IKBKB: variants seen among roughly 807,000 people sequenced by gnomAD.
The protein encoded by IKBKB is inhibitor of nuclear factor kappa B kinase subunit beta.
IKBKB carries 42 observed loss-of-function variants against 113.6 expected under a neutral mutation model. The observed-to-expected ratio is 0.37, with a 90% CI of 0.29 to 0.48. IKBKB has a LOEUF of 0.48. Ranked by LOEUF, IKBKB falls within the 20% of genes least tolerant of loss-of-function variation. The probability of loss-of-function intolerance (pLI) is 0.99; values close to 1 mark genes in which losing one functional copy is unlikely to be tolerated. For missense variants in IKBKB, 673 were observed against 939.7 expected, an observed-to-expected ratio of 0.72 and a Z score of 3.71; for synonymous variants, 296 against 361.3, an observed-to-expected ratio of 0.82 and a Z score of 2.05.
rs146998687 is a variant in IKBKB at position 42,322,969 on chromosome 8, G to A, written c.1986+475G>A. Among the ~76,000 whole-genome samples, 171 of 152,266 alleles carry A rather than the reference G, an allele frequency of 1.1e-3. 1 individual carries two copies. The South Asian group carries it at 0.018, about 16-fold the overall frequency. Reference sequence around the variant, plus strand: ...CTAGAGCCCAGGAGTTGAAAGTCCCGTGTCAGCAGGGCTGAGCTCCCTCTG... The same window carrying A: ...CTAGAGCCCAGGAGTTGAAAGTCCCATGTCAGCAGGGCTGAGCTCCCTCTG... On this transcript the variant is annotated intron_variant, in intron 19 of 21. Transcript: ENST00000520810.
At position 42,332,452 on chromosome 8, in the gene IKBKB, C is replaced by G. The variant is rs200657216; in HGVS notation, c.*1473C>G. ...TTTAATAAAGCACAATTTTGGAAAC[C>G]CTGGTAAATGACAGTGGGAAATAAC... On this transcript the variant is annotated 3_prime_UTR_variant, in exon 22 of 22. Transcript: ENST00000520810. 5.3e-5 allele frequency: 8 copies of G among 152,084 alleles called. No homozygotes were observed. Among genetic ancestry groups the G allele is most frequent in the Non-Finnish European group, 7.4e-5 (5 of 67,986 alleles). The allele number at this position is 152,084 out of a possible 1,614,324, so 9.4% of individuals were successfully genotyped here. A position where few individuals can be genotyped will look rare whatever the true frequency, so the allele number is the denominator to read the frequency against.
intron 4 of IKBKB, among the ~76,000 whole-genome samples, chr8:42,291,806 C>G (rs1462457831): frequency 6.6e-6 from 1 of 152,106 alleles, no homozygotes; most frequent in Non-Finnish European, 1.5e-5. Context: ...GTGGTGTGCG[C>G]TTGTGGTCCC....
At chr8:42,326,201 A>G in intron 20 of IKBKB, 104 bp downstream of exon 20, 1 of 1,362,154 alleles carries the variant, frequency 7.3e-7, no homozygotes. Flanking sequence ...TGGTATTACC[A>G]CCTCTCTGGA....
intron 2 of IKBKB, among the ~76,000 whole-genome samples, chr8:42,285,400 A>T (rs1362385958): frequency 6.6e-6 from 1 of 152,010 alleles, no homozygotes; most frequent in Non-Finnish European, 1.5e-5. Flanking sequence ...AAATAAAAAT[A>T]AAAAAAATTA....
intron 5 of IKBKB, among the ~76,000 whole-genome samples, chr8:42,294,281 C>G (rs58758415): frequency 4.6e-5 from 7 of 152,192 alleles, no homozygotes; most frequent in Non-Finnish European, 1.0e-4. Context: ...CCATTTTCAT[C>G]CCTCCACTAC....
chr8:42,294,060 C>T (rs183070653), intron 5 of IKBKB, among the ~76,000 whole-genome samples: 4 of 152,204 alleles, frequency 2.6e-5, no homozygotes, highest in Admixed American at 1.3e-4. Flanking sequence ...TAGACCCTGG[C>T]GCTCACTCAG....
intron 16 of IKBKB, chr8:42,321,525 G>A (rs908387727): frequency 5.6e-6 from 1 of 178,054 alleles, no homozygotes; most frequent in Admixed American, 5.7e-5. Flanking sequence ...ATTTGTATTT[G>A]TATTATTTTT....
At chr8:42,302,418 A>G (rs1027081865) in intron 5 of IKBKB, among the ~76,000 whole-genome samples, 26 of 152,194 alleles carry the variant, frequency 1.7e-4, no homozygotes, top group Non-Finnish European at 4.4e-5. Flanking sequence ...AAGGAACAGT[A>G]TGATATGTTG....
At position 42,319,288 on chromosome 8, in the gene IKBKB, C is replaced by A. The variant is rs1563358200; in HGVS notation, c.1383C>A (p.Asn461Lys). 1 of 1,614,122 alleles carries A rather than the reference C, an allele frequency of 6.2e-7. No homozygotes were observed. Among genetic ancestry groups the A allele is most frequent in the East Asian group, 2.2e-5 (1 of 44,880 alleles). ...CCTGCAGGATGAATCTCCTCCGAAA[C>A]AACAGCTGCCTCTCCAAAATGAAGA... ...QRAAMMNLLR[N>K]NSCLSKMKNS... The change falls in exon 14 of 22, where the codon AAC becomes AAA. Residue 461 changes from asparagine to lysine, a missense_variant. This residue lies in a region of IKBKB where 506 missense variants were observed against 638.7 expected (regional missense o/e 0.79). Coordinates refer to ENST00000520810, the MANE Select transcript of IKBKB (RefSeq NM_001556.3).
In IKBKB at chr8:42,332,172, G is replaced by A. The variant is rs1821745358; in HGVS notation, c.*1193G>A. 6.6e-6 allele frequency: 1 copy of A among 152,280 alleles called. No individual in the cohort carries two copies. Among genetic ancestry groups the A allele is most frequent in the South Asian group, 2.1e-4 (1 of 4,838 alleles). 9.4% of individuals were successfully genotyped at this position (152,280 alleles called of 1,614,324 possible). On this transcript the variant is annotated 3_prime_UTR_variant, in exon 22 of 22. Coordinates refer to ENST00000520810, the MANE Select transcript of IKBKB (RefSeq NM_001556.3). ...GTTGGAGAAGAAAGTTGGAGTAGGAGACTTTCACAAGTGGTTTCCATGGAG... is the reference window on the plus strand; with the variant it reads ...GTTGGAGAAGAAAGTTGGAGTAGGAAACTTTCACAAGTGGTTTCCATGGAG...
In IKBKB at chr8:42,319,718, C is replaced by T; in HGVS notation, c.1578+72C>T. 4.1e-6 allele frequency: 5 copies of T among 1,227,636 alleles called. No homozygotes were observed. In the South Asian group the frequency reaches 5.7e-5, roughly 14 times the overall value. The allele number at this position is 1,227,636 out of a possible 1,614,324, so 76.0% of individuals were successfully genotyped here. On this transcript the variant is annotated intron_variant, in intron 15 of 21. Transcript: ENST00000520810. ...TTTGTGCTCCCACTTTTCACTTTCT[C>T]ATCAAACACTGGGTCGATCTCTGTC...
At chr8:42,284,958 G>A (rs1174605710) in intron 2 of IKBKB, among the ~76,000 whole-genome samples, 2 of 148,370 alleles carry the variant, frequency 1.3e-5, no homozygotes, top group Admixed American at 1.4e-4. Flanking sequence ...CAGGGTTCAA[G>A]CGATTCTCCT....
At chr8:42,330,855 A>AAAATAACCTGAAATG in intron 21 of IKBKB, 59 bp from the exon 22 acceptor site, 1 of 1,613,446 alleles carries the variant, frequency 6.2e-7, no homozygotes, top group Non-Finnish European at 8.5e-7. Context: ...CTGAAGAGGA[A>AAAATAACCTGAAATG]AAATAACCTG....
At chr8:42,293,350 G>A (rs1813048661) in intron 4 of IKBKB, 93 bp from the exon 5 acceptor site, 6 of 1,511,370 alleles carry the variant, frequency 4.0e-6, no homozygotes, top group Non-Finnish European at 5.5e-6. Flanking sequence ...CCCAGGGTCA[G>A]CACTCTGGTC....
At chr8:42,295,597 C>T (rs555237019) in intron 5 of IKBKB, among the ~76,000 whole-genome samples, 14 of 152,218 alleles carry the variant, frequency 9.2e-5, no homozygotes, top group African/African-American at 3.4e-4. Context: ...TGGTGACGGG[C>T]GCCTGTAATC....
intron 2 of IKBKB, among the ~76,000 whole-genome samples, chr8:42,274,784 GCGCCCC>G (rs374893858): frequency 0.53 from 21,955 of 41,704 alleles, 8,009 homozygotes; most frequent in African/African-American, 0.75. Context: ...CCCCGCCGGC[GCGCCCC>G]CCCCCCCCCC....
chr8:42,321,037 C>G (rs1819684105), intron 16 of IKBKB, 193 bp downstream of exon 16: 1 of 479,404 alleles, frequency 2.1e-6, no homozygotes, highest in African/African-American at 2.0e-5. Flanking sequence ...GAAAAACAGT[C>G]TTAAGTCACG....
chr8:42,313,645 CA>C (rs1818146080), intron 8 of IKBKB, among the ~76,000 whole-genome samples: 2 of 152,038 alleles, frequency 1.3e-5, no homozygotes, highest in African/African-American at 4.8e-5. Context: ...TAACCTCTGT[CA>C]AAACACAAGA....
intron 5 of IKBKB, among the ~76,000 whole-genome samples, chr8:42,293,752 T>G (rs1410360746): frequency 6.6e-6 from 1 of 152,138 alleles, no homozygotes; most frequent in Non-Finnish European, 1.5e-5. Context: ...TGAATTATGA[T>G]GTATAGGGAA....
Sources: allele counts gnomAD v4.1 joint callset (sites outside exome capture counted in the v4.1 genomes callset), GRCh38; gene constraint gnomAD v4.1.1; regional missense constraint gnomAD v4.1.1; transcripts MANE v1.5; gene names NCBI Gene and HGNC (gene_info 2026-07-23, HGNC 2026-07-21).